FOXO1: variants seen among roughly 807,000 people sequenced by gnomAD.
FOXO1 encodes forkhead box O1.
Under a neutral mutation model 44.1 loss-of-function variants are expected in FOXO1, and 6 were observed. The ratio of observed to expected loss-of-function variants is 0.14; its 90% CI spans 0.07 to 0.27. FOXO1 has a LOEUF of 0.27. Among genes scored for constraint, FOXO1 ranks in the 10% least tolerant of loss-of-function variants. The pLI is 1.00. For synonymous variants in FOXO1, 380 were observed against 362.7 expected (o/e 1.05, Z -0.54); for missense variants, 737 against 888.8 (o/e 0.83, Z 2.17).
chr13:40,605,879 C>T (rs1479328624), intron 1 of FOXO1, among the ~76,000 whole-genome samples: 1 of 152,044 alleles, frequency 6.6e-6, no homozygotes, highest in Admixed American at 6.5e-5. Context: ...TAAGAGATAC[C>T]TCTTATCAGC....
At chr13:40,639,642 G>A (rs1168297413) in intron 1 of FOXO1, among the ~76,000 whole-genome samples, 1 of 152,250 alleles carries the variant, frequency 6.6e-6, no homozygotes, top group African/African-American at 2.4e-5. Flanking sequence ...GGTCGGTCCT[G>A]TGCTTTGCAC....
At chr13:40,646,434 G>C (rs1185773990) in intron 1 of FOXO1, among the ~76,000 whole-genome samples, 4 of 151,960 alleles carry the variant, frequency 2.6e-5, no homozygotes, top group African/African-American at 9.7e-5. Context: ...GCCCACCTCA[G>C]CCTCCCAAAG....
chr13:40,636,178 C>T (rs915478142), intron 1 of FOXO1, among the ~76,000 whole-genome samples: 13 of 152,014 alleles, frequency 8.6e-5, no homozygotes, highest in African/African-American at 3.1e-4. Flanking sequence ...TCTCACCACC[C>T]TACTCCAACC....
At chr13:40,629,012 C>T (rs1384340876) in intron 1 of FOXO1, among the ~76,000 whole-genome samples, 1 of 152,232 alleles carries the variant, frequency 6.6e-6, no homozygotes, top group Non-Finnish European at 1.5e-5. Flanking sequence ...CCTTTATGTG[C>T]CAGCCCAAAG....
intron 1 of FOXO1, among the ~76,000 whole-genome samples, chr13:40,561,187 C>T (rs1291674041): frequency 6.6e-6 from 1 of 151,974 alleles, no homozygotes; most frequent in Non-Finnish European, 1.5e-5. Context: ...CCCATCTCTA[C>T]TAAAAATACA....
At chr13:40,618,140 G>A (rs1018795973) in intron 1 of FOXO1, among the ~76,000 whole-genome samples, 3 of 152,154 alleles carry the variant, frequency 2.0e-5, no homozygotes, top group East Asian at 1.9e-4. Flanking sequence ...GTGCAGTGGC[G>A]CAATCTCAGC....
intron 2 of FOXO1, 30 bp from the exon 3 acceptor site, chr13:40,559,064 C>A (rs1025048039): frequency 1.5e-5 from 6 of 400,932 alleles, no homozygotes; most frequent in African/African-American, 1.0e-4. Context: ...TACGCACACA[C>A]ACATACACAC....
chr13:40,612,430 C>A (rs751019659), intron 1 of FOXO1, among the ~76,000 whole-genome samples: 1 of 152,208 alleles, frequency 6.6e-6, no homozygotes, highest in Non-Finnish European at 1.5e-5. Context: ...CAGGATGACA[C>A]CTCAGGTTTT....
At position 40,633,693 on chromosome 13, in the gene FOXO1, C is replaced by T. The variant is rs193051431; in HGVS notation, c.630+31890G>A. Among the ~76,000 whole-genome samples the T allele has an allele frequency of 2.3e-3, 350 of 152,298 alleles. 3 individuals carry two copies. Among genetic ancestry groups the T allele is most frequent in the Non-Finnish European group, 1.6e-3 (108 of 68,010 alleles). On this transcript the variant is annotated intron_variant, in intron 1 of 2. Transcript: ENST00000379561. ...AATTGTGGTGATAGTTGCCCAAACT[C>T]TTGCAAATACACTAAAAACTATTGA...
intron 1 of FOXO1, among the ~76,000 whole-genome samples, chr13:40,655,637 CTTT>C (rs774180443): frequency 5.9e-5 from 6 of 101,318 alleles, no homozygotes; most frequent in African/African-American, 2.4e-4. Context: ...TTCTACACTT[CTTT>C]TTTTTTTTTT....
intron 1 of FOXO1, among the ~76,000 whole-genome samples, chr13:40,635,533 A>T (rs1222989918): frequency 6.6e-6 from 1 of 152,224 alleles, no homozygotes; most frequent in African/African-American, 2.4e-5. Flanking sequence ...TTTTGCTTTT[A>T]CTCAGCTTTA....
At chr13:40,568,462 G>C (rs182570009) in intron 1 of FOXO1, among the ~76,000 whole-genome samples, 3 of 152,188 alleles carry the variant, frequency 2.0e-5, no homozygotes, top group Admixed American at 1.3e-4. Flanking sequence ...ATTCAACAGA[G>C]TTCCCATTAA....
chr13:40,581,397 T>TC (rs1231149694), intron 1 of FOXO1, among the ~76,000 whole-genome samples: 8 of 152,338 alleles, frequency 5.3e-5, no homozygotes, highest in African/African-American at 1.9e-4. Context: ...TGATCAGTCA[T>TC]CCTTTTATCA....
intron 1 of FOXO1, among the ~76,000 whole-genome samples, chr13:40,567,146 G>A (rs1205172655): frequency 1.3e-5 from 2 of 151,838 alleles, no homozygotes; most frequent in Non-Finnish European, 2.9e-5. Context: ...TGTCAGCCAC[G>A]GGTCTCCACA....
intron 1 of FOXO1, among the ~76,000 whole-genome samples, chr13:40,596,633 G>C (rs1875587215): frequency 6.6e-6 from 1 of 152,172 alleles, no homozygotes; most frequent in African/African-American, 2.4e-5. Flanking sequence ...TGAGCATCTA[G>C]GGTTAGGATT....
At chr13:40,565,124 CA>C (rs1033623898) in intron 1 of FOXO1, among the ~76,000 whole-genome samples, 1 of 152,084 alleles carries the variant, frequency 6.6e-6, no homozygotes, top group African/African-American at 2.4e-5. Flanking sequence ...GCTTGACCCC[CA>C]AAAAAATTAC....
chr13:40,605,277 A>G (rs980371458), intron 1 of FOXO1, among the ~76,000 whole-genome samples: 1 of 152,206 alleles, frequency 6.6e-6, no homozygotes, highest in African/African-American at 2.4e-5. Context: ...CTGCTCGACC[A>G]TATCATTTTT....
chr13:40,624,120 A>C (rs1009055542), intron 1 of FOXO1, among the ~76,000 whole-genome samples: 2 of 151,532 alleles, frequency 1.3e-5, no homozygotes, highest in Non-Finnish European at 2.9e-5. Context: ...AAAATAAGAA[A>C]TAAAAGACTC....
At chr13:40,601,772 A>G (rs1875822887) in intron 1 of FOXO1, among the ~76,000 whole-genome samples, 1 of 152,180 alleles carries the variant, frequency 6.6e-6, no homozygotes, top group African/African-American at 2.4e-5. Flanking sequence ...ATACCTAAGC[A>G]TCTTTGTACT....
Sources: gnomAD v4.1 joint callset for allele counts (sites outside exome capture counted in the v4.1 genomes callset) on GRCh38, gnomAD v4.1.1 for gene constraint, MANE v1.5 for transcripts, NCBI Gene and HGNC (gene_info 2026-07-23, HGNC 2026-07-21) for gene names.